CYP4X1: variants seen among roughly 807,000 people sequenced by gnomAD.
CYP4X1 encodes the protein cytochrome P450 family 4 subfamily X member 1.
Under a neutral mutation model 57.9 loss-of-function variants are expected in CYP4X1, and 44 were observed. The ratio of observed to expected loss-of-function variants is 0.76; its 90% CI spans 0.60 to 0.98. The LOEUF (loss-of-function observed/expected upper bound fraction) is 0.98. Ranked by LOEUF, CYP4X1 falls within the 50% of genes least tolerant of loss-of-function variation. CYP4X1 has a pLI of 0.00. For missense variants in CYP4X1, 532 were observed against 623.9 expected, an observed-to-expected ratio of 0.85 and a Z score of 1.57; for synonymous variants, 227 against 228.6, an observed-to-expected ratio of 0.99 and a Z score of 0.06.
At chr1:46,991,841 G>A in the CYP4X1 span, among the ~76,000 whole-genome samples, 3 of 152,186 alleles carry the variant, frequency 2.0e-5, no homozygotes, top group Non-Finnish European at 4.4e-5. Flanking sequence ...GGAGGCTTTG[G>A]AGTCTTATAG....
chr1:47,030,543 C>G (rs1644114232), intron 2 of CYP4X1, among the ~76,000 whole-genome samples: 1 of 152,180 alleles, frequency 6.6e-6, no homozygotes, highest in Non-Finnish European at 1.5e-5. Flanking sequence ...AATGCTAGAT[C>G]ATTAATTTAC....
At chr1:47,035,991 C>A in intron 5 of CYP4X1, 26 bp from the exon 6 acceptor site, 1 of 1,610,058 alleles carries the variant, frequency 6.2e-7, no homozygotes, top group South Asian at 1.1e-5. Context: ...TGTTTATTAA[C>A]ACATTATCCC....
At chr1:47,041,337 G>T (rs1644244447) in intron 8 of CYP4X1, among the ~76,000 whole-genome samples, 1 of 151,586 alleles carries the variant, frequency 6.6e-6, no homozygotes, top group African/African-American at 2.4e-5. Context: ...TCATATGGTA[G>T]TTCTATTTTT....
At chr1:47,035,727 G>C in intron 4 of CYP4X1, 79 bp from the exon 5 acceptor site, 2 of 1,533,614 alleles carry the variant, frequency 1.3e-6, no homozygotes, top group Non-Finnish European at 1.7e-6. Context: ...CATAAAAACA[G>C]GGCCAGGCAG....
At chr1:47,041,280 C>T (rs1185780569) in intron 8 of CYP4X1, among the ~76,000 whole-genome samples, 5 of 152,134 alleles carry the variant, frequency 3.3e-5, no homozygotes, top group Non-Finnish European at 5.9e-5. Flanking sequence ...CTTCAATGCA[C>T]TGATTTCATT....
chr1:46,981,482 A>G, the CYP4X1 span, among the ~76,000 whole-genome samples: 2 of 152,218 alleles, frequency 1.3e-5, no homozygotes, highest in Non-Finnish European at 2.9e-5. Flanking sequence ...TCAGGAAACA[A>G]CAGGTGCTGG....
the CYP4X1 span, among the ~76,000 whole-genome samples, chr1:46,962,581 G>A: frequency 6.6e-6 from 1 of 152,136 alleles, no homozygotes; most frequent in Non-Finnish European, 1.5e-5. Context: ...TGGCTAACTA[G>A]AATAACCAAT....
At chr1:47,024,277 C>T (rs1271869512) in intron 1 of CYP4X1, among the ~76,000 whole-genome samples, 2 of 152,234 alleles carry the variant, frequency 1.3e-5, no homozygotes, top group Non-Finnish European at 2.9e-5. Flanking sequence ...CGAGCTGTAA[C>T]TCAAGTCTGT....
intron 8 of CYP4X1, among the ~76,000 whole-genome samples, chr1:47,040,366 T>C (rs2148512581): frequency 6.6e-6 from 1 of 152,282 alleles, no homozygotes; most frequent in Non-Finnish European, 1.5e-5. Context: ...TTATGCTGTT[T>C]GCAAAGATAA....
At chr1:46,987,908 A>G in the CYP4X1 span, among the ~76,000 whole-genome samples, 2 of 152,216 alleles carry the variant, frequency 1.3e-5, no homozygotes, top group Non-Finnish European at 2.9e-5. Context: ...AATTTATAGC[A>G]CTAAATGCCC....
intron 10 of CYP4X1, among the ~76,000 whole-genome samples, 177 bp downstream of exon 10, chr1:47,048,806 C>T (rs369371441): frequency 2.0e-5 from 3 of 152,172 alleles, no homozygotes; most frequent in Non-Finnish European, 4.4e-5. Flanking sequence ...ACACTCTTGA[C>T]GTGTATCAGT....
the CYP4X1 span, among the ~76,000 whole-genome samples, chr1:46,974,601 T>G: frequency 6.6e-6 from 1 of 152,130 alleles, no homozygotes; most frequent in Admixed American, 6.6e-5. Context: ...TTTATTTATA[T>G]ATATAGGTGC....
the CYP4X1 span, among the ~76,000 whole-genome samples, chr1:46,970,543 G>A: frequency 6.6e-6 from 1 of 152,204 alleles, no homozygotes; most frequent in Non-Finnish European, 1.5e-5. Flanking sequence ...TTGAGTCTAT[G>A]TTAAAGAAAA....
the CYP4X1 span, among the ~76,000 whole-genome samples, chr1:46,992,488 A>G: frequency 6.6e-6 from 1 of 152,184 alleles, no homozygotes; most frequent in African/African-American, 2.4e-5. Flanking sequence ...TCTACCTATA[A>G]GCGGACTTAT....
chr1:47,031,313 C>T, intron 2 of CYP4X1, 123 bp from the exon 3 acceptor site: 1 of 1,178,658 alleles, frequency 8.5e-7, no homozygotes, highest in South Asian at 1.5e-5. Flanking sequence ...GAAGTAAGCC[C>T]TGGGCTCTCT....
chr1:46,990,983 G>C, the CYP4X1 span, among the ~76,000 whole-genome samples: 1 of 151,374 alleles, frequency 6.6e-6, no homozygotes, highest in African/African-American at 2.4e-5. Flanking sequence ...AACCACCACG[G>C]CACATGTATA....
the CYP4X1 span, among the ~76,000 whole-genome samples, chr1:47,014,899 C>T: frequency 1.3e-5 from 2 of 152,184 alleles, no homozygotes; most frequent in African/African-American, 4.8e-5. Flanking sequence ...AACATCAGCA[C>T]AGGTCGTATA....
At chr1:46,964,801 T>C in the CYP4X1 span, among the ~76,000 whole-genome samples, 1 of 152,224 alleles carries the variant, frequency 6.6e-6, no homozygotes, top group Non-Finnish European at 1.5e-5. Flanking sequence ...CAGAGGTTTC[T>C]GCTGCCTTTT....
chr1:46,995,538 T>C, the CYP4X1 span, among the ~76,000 whole-genome samples: 1 of 152,114 alleles, frequency 6.6e-6, no homozygotes, highest in African/African-American at 2.4e-5. Context: ...TTTTTCATGA[T>C]TTATTTTCTC....
Sources: gnomAD v4.1 joint callset for allele counts (sites outside exome capture counted in the v4.1 genomes callset) on GRCh38, gnomAD v4.1.1 for gene constraint, MANE v1.5 for transcripts, NCBI Gene and HGNC (gene_info 2026-07-23, HGNC 2026-07-21) for gene names.